Variants in RGS6 observed in about 807,000 individuals in gnomAD.
RGS6 encodes regulator of G-protein signaling 6.
Under a neutral mutation model 78.5 loss-of-function variants are expected in RGS6, and 30 were observed. The observed-to-expected ratio is 0.38, with a 90% CI of 0.29 to 0.52. The LOEUF is 0.52. Ranked by LOEUF, RGS6 falls within the 20% of genes least tolerant of loss-of-function variation. RGS6 has a pLI of 0.85. For synonymous variants in RGS6, 206 were observed against 206.0 expected (o/e 1.00, Z 0.00); for missense variants, 495 against 609.7 (o/e 0.81, Z 1.98).
the RGS6 span, among the ~76,000 whole-genome samples, chr14:71,905,153 A>G: frequency 1.3e-5 from 2 of 152,194 alleles, no homozygotes; most frequent in Admixed American, 6.5e-5. Flanking sequence ...TCTGCCCTTG[A>G]TCAGTTTCTT....
intron 2 of RGS6, among the ~76,000 whole-genome samples, chr14:72,287,643 A>T (rs1032501797): frequency 1.3e-5 from 2 of 152,116 alleles, no homozygotes; most frequent in African/African-American, 4.8e-5. Context: ...TTTTTAGTAG[A>T]GACGGAGTTT....
intron 3 of RGS6, among the ~76,000 whole-genome samples, chr14:72,376,256 G>T (rs764094045): frequency 2.3e-4 from 35 of 152,078 alleles, no homozygotes; most frequent in Non-Finnish European, 4.3e-4. Flanking sequence ...AGACCAAGCA[G>T]AATTTGTTCT....
chr14:72,094,686 T>A (rs1399750405), intron 2 of RGS6, among the ~76,000 whole-genome samples: 1 of 152,186 alleles, frequency 6.6e-6, no homozygotes, highest in Non-Finnish European at 1.5e-5. Context: ...TTGCTTTAAC[T>A]CCTCTCTTTT....
chr14:72,521,302 A>G lies in RGS6; in HGVS notation c.1278+2765A>G, dbSNP rs58268847. ...ACCACAATGCTAAAAATACAGCAAC[A>G]GTATGATTATCGCCTGGTTCTTTAA... On this transcript the variant is annotated intron_variant, in intron 15 of 17. Coordinates refer to ENST00000553525, the MANE Select transcript of RGS6 (RefSeq NM_001204424.2). Among the ~76,000 whole-genome samples, 213 of 152,362 alleles carry G rather than the reference A, an allele frequency of 1.4e-3. 1 individual carries two copies. The highest frequency in any genetic ancestry group is 4.9e-3 in the African/African-American group (205 of 41,588).
chr14:72,191,652 G>A (rs778703178), intron 2 of RGS6, among the ~76,000 whole-genome samples: 4 of 152,156 alleles, frequency 2.6e-5, no homozygotes, highest in African/African-American at 7.2e-5. Flanking sequence ...GGCAAGACCC[G>A]CCTCCATGAT....
intron 2 of RGS6, among the ~76,000 whole-genome samples, chr14:72,294,958 AG>A (rs1172625491): frequency 6.6e-6 from 1 of 152,178 alleles, no homozygotes; most frequent in African/African-American, 2.4e-5. Flanking sequence ...TAAAATTAGG[AG>A]GAAACTTGGT....
At chr14:72,498,879 A>C (rs1333249574) in intron 13 of RGS6, among the ~76,000 whole-genome samples, 1 of 152,150 alleles carries the variant, frequency 6.6e-6, no homozygotes, top group African/African-American at 2.4e-5. Context: ...GCAGGGCTGC[A>C]CCTGAATGTA....
intron 1 of RGS6, among the ~76,000 whole-genome samples, chr14:71,940,729 A>C (rs1013252955): frequency 6.6e-6 from 1 of 152,202 alleles, no homozygotes; most frequent in Non-Finnish European, 1.5e-5. Context: ...CCACCATTAG[A>C]TCTGACATAC....
rs192915702 is a variant in RGS6 at position 72,000,576 on chromosome 14, C to T, written c.84+35701C>T. ...AGGGAGTGTGTACAGTGGAGGATGC[C>T]GGAAGGAGAACCCAGGAGACAAAGG... On this transcript the variant is annotated intron_variant, in intron 2 of 17. Transcript: ENST00000553525. Among the ~76,000 whole-genome samples the T allele has an allele frequency of 4.1e-4, 62 of 151,986 alleles. 3 individuals carry two copies. In the East Asian group the frequency reaches 9.1e-3, roughly 22 times the overall value.
intron 2 of RGS6, among the ~76,000 whole-genome samples, chr14:72,222,098 T>G (rs189956502): frequency 2.7e-4 from 41 of 152,366 alleles, no homozygotes; most frequent in African/African-American, 9.1e-4. Flanking sequence ...CAACTAATAC[T>G]AGCATTGTGA....
At chr14:72,534,321 A>C (rs2097218102) in intron 15 of RGS6, among the ~76,000 whole-genome samples, 1 of 152,250 alleles carries the variant, frequency 6.6e-6, no homozygotes, top group African/African-American at 2.4e-5. Context: ...GACTACATAT[A>C]GTGTAAACAT....
intron 2 of RGS6, among the ~76,000 whole-genome samples, chr14:72,140,138 G>T (rs901608824): frequency 6.6e-6 from 1 of 152,142 alleles, no homozygotes; most frequent in Non-Finnish European, 1.5e-5. Context: ...TGCTCCCCAG[G>T]AAATGTGCAT....
intron 3 of RGS6, among the ~76,000 whole-genome samples, chr14:72,413,179 C>G (rs527604898): frequency 6.6e-6 from 1 of 152,128 alleles, no homozygotes; most frequent in Non-Finnish European, 1.5e-5. Context: ...GTTAAAGTCT[C>G]CCATTATTAT....
chr14:72,291,938 C>A (rs1247967090), intron 2 of RGS6, among the ~76,000 whole-genome samples: 1 of 152,158 alleles, frequency 6.6e-6, no homozygotes. Flanking sequence ...CCATTATTAA[C>A]CCTGAAATAG....
intron 15 of RGS6, among the ~76,000 whole-genome samples, chr14:72,531,215 T>C (rs1391144672): frequency 1.3e-5 from 2 of 152,042 alleles, no homozygotes; most frequent in African/African-American, 4.8e-5. Flanking sequence ...GGTGGATCAC[T>C]TGAGGCCAGG....
rs536682562 is a variant in RGS6 at position 72,255,230 on chromosome 14, G to A, written c.85-96865G>A. 8.5e-5 allele frequency among the ~76,000 whole-genome samples: 13 copies of A among 152,112 alleles called. 1 individual carries two copies. The highest frequency in any genetic ancestry group is 6.2e-4 in the South Asian group (3 of 4,822). ...GCTCTGGGGCATAGAGGCTGTCCCC[G>A]GTTGTCTCATACCTGGCCCCAGGGT... On this transcript the variant is annotated intron_variant, in intron 2 of 17. Coordinates refer to ENST00000553525, the MANE Select transcript of RGS6 (RefSeq NM_001204424.2).
chr14:71,979,525 A>G (rs957932641), intron 2 of RGS6, among the ~76,000 whole-genome samples: 2 of 152,034 alleles, frequency 1.3e-5, no homozygotes, highest in Admixed American at 1.3e-4. Context: ...TTATGTACCC[A>G]GTAGTCATTC....
At chr14:72,193,962 G>A (rs778892199) in intron 2 of RGS6, among the ~76,000 whole-genome samples, 3 of 152,170 alleles carry the variant, frequency 2.0e-5, no homozygotes, top group Non-Finnish European at 2.9e-5. Flanking sequence ...TGTGTGTGAA[G>A]AGGAACATGA....
rs77350543 is a variant in RGS6, at chr14:72,203,785, C to T, written c.85-148310C>T. ...ATTTTTGTGTGAGTGATAAAATATA[C>T]ACAACATTATTTGCTATTGTAACCT... is the stretch of plus-strand genomic sequence containing the variant. On this transcript the variant is annotated intron_variant, in intron 2 of 17. Transcript: ENST00000553525. Among the ~76,000 whole-genome samples the T allele has an allele frequency of 4.8e-3, 718 of 150,690 alleles. 10 individuals carry two copies. The highest frequency in any genetic ancestry group is 0.017 in the African/African-American group (696 of 41,078).
Sources: gnomAD v4.1 joint callset for allele counts (sites outside exome capture counted in the v4.1 genomes callset) on GRCh38, gnomAD v4.1.1 for gene constraint, MANE v1.5 for transcripts, NCBI Gene and HGNC (gene_info 2026-07-23, HGNC 2026-07-21) for gene names.